ARHGEF6: variants seen among roughly 807,000 people sequenced by gnomAD.
The protein encoded by ARHGEF6 is Rac/Cdc42 guanine nucleotide exchange factor 6.
Under a neutral mutation model 70.3 loss-of-function variants are expected in ARHGEF6, and 9 were observed. The ratio of observed to expected loss-of-function variants is 0.13; its 90% CI spans 0.08 to 0.22. The LOEUF (loss-of-function observed/expected upper bound fraction) is 0.22, where lower values mean the gene tolerates loss of function less well. Ranked by LOEUF, ARHGEF6 falls within the 10% of genes least tolerant of loss-of-function variation. The probability of loss-of-function intolerance (pLI) is 1.00; values close to 1 mark genes in which losing one functional copy is unlikely to be tolerated. For missense variants in ARHGEF6, 470 were observed against 563.0 expected (o/e 0.83, Z 1.67); for synonymous variants, 201 against 207.8 (o/e 0.97, Z 0.28).
Position 136,690,758 on chromosome X carries a change from G to C in ARHGEF6, c.1047-10C>G. On this transcript the variant is annotated splice_polypyrimidine_tract_variant and intron_variant, in intron 9 of 21. Coordinates refer to ENST00000250617, the MANE Select transcript of ARHGEF6 (RefSeq NM_004840.3). ...TTGTTCCAACTCATCACTAGCAAAA[G>C]AACAAATATAATTTTGTTACTGTTG... The C allele has an allele frequency of 8.3e-7, 1 of 1,206,815 alleles. No individual in the cohort carries two copies. The highest frequency in any genetic ancestry group is 3.0e-5 in the East Asian group (1 of 33,833).
At chrX:136,668,354 C>T (rs1343907861) in intron 21 of ARHGEF6, among the ~76,000 whole-genome samples, 185 bp from the exon 22 acceptor site, 2 of 109,931 alleles carry the variant, frequency 1.8e-5, no homozygotes, top group Non-Finnish European at 3.8e-5. Context: ...CTTTTGGATT[C>T]TTCTTCCCTG....
intron 5 of ARHGEF6, chrX:136,737,305 T>G (rs1454225304): frequency 9.0e-6 from 1 of 110,619 alleles, no homozygotes; most frequent in Non-Finnish European, 1.9e-5. Flanking sequence ...CATTCTTTAC[T>G]AAAAATACAA....
chrX:136,763,817 T>C (rs2148678908), intron 2 of ARHGEF6, among the ~76,000 whole-genome samples: 1 of 111,497 alleles, frequency 9.0e-6, no homozygotes, highest in African/African-American at 3.3e-5. Context: ...AGAGCGAGAC[T>C]CTGTCTCAAA....
intron 7 of ARHGEF6, among the ~76,000 whole-genome samples, chrX:136,710,177 G>A (rs1203747932): frequency 4.6e-5 from 5 of 107,539 alleles, no homozygotes; most frequent in Non-Finnish European, 9.6e-5. Flanking sequence ...GGTGGCACAT[G>A]CCTGTAGTCT....
intron 11 of ARHGEF6, among the ~76,000 whole-genome samples, chrX:136,686,619 T>TACACAC (rs1259792982): frequency 1.4e-5 from 1 of 73,070 alleles, no homozygotes; most frequent in Non-Finnish European, 2.4e-5. Context: ...TATATATATA[T>TACACAC]ATACACATAT....
At chrX:136,751,762 C>T (rs1230940926) in intron 2 of ARHGEF6, among the ~76,000 whole-genome samples, 1 of 111,720 alleles carries the variant, frequency 9.0e-6, no homozygotes, top group Non-Finnish European at 1.9e-5. Context: ...ATGTCTTGAT[C>T]TTGGATTTCT....
Position 136,695,274 on chromosome X carries a change from AAG to A in ARHGEF6, c.1047-4528_1047-4527del, listed in dbSNP as rs3067286. ...CCCTTTTACCTGTAAATAAACCAGT[AAG>A]ATAAAAATTTAGTTCTATGAGGACT... On this transcript the variant is annotated intron_variant, in intron 9 of 21. Transcript: ENST00000250617. Among the ~76,000 whole-genome samples the A allele has an allele frequency of 4.6e-3, 517 of 112,315 alleles. 2 individuals are homozygous for A. Among genetic ancestry groups the A allele is most frequent in the Middle Eastern group, 0.014 (3 of 218 alleles).
chrX:136,668,533 C>CTTATTATTATTATTA (rs58182405), intron 21 of ARHGEF6, among the ~76,000 whole-genome samples: 15 of 98,461 alleles, frequency 1.5e-4, no homozygotes, highest in African/African-American at 5.7e-4. Flanking sequence ...TCTTCTTCTT[C>CTTATTATTATTATTA]TTATTATTAT....
chrX:136,723,879 CA>C (rs1362257896), intron 6 of ARHGEF6, among the ~76,000 whole-genome samples: 1 of 110,737 alleles, frequency 9.0e-6, no homozygotes, highest in Admixed American at 9.6e-5. Context: ...GAGCCCAAAT[CA>C]AATCGCGCCA....
chrX:136,728,577 A>G (rs2076895174), intron 6 of ARHGEF6, among the ~76,000 whole-genome samples: 1 of 106,707 alleles, frequency 9.4e-6, no homozygotes, highest in Admixed American at 9.8e-5. Context: ...AAGTTGGCAC[A>G]TAAAATTAAT....
chrX:136,773,543 C>T (rs1207668567), intron 2 of ARHGEF6, among the ~76,000 whole-genome samples: 1 of 111,899 alleles, frequency 8.9e-6, no homozygotes, highest in African/African-American at 3.3e-5. Flanking sequence ...CTCAATATGG[C>T]TCCTATATAT....
At chrX:136,687,844 G>C in intron 11 of ARHGEF6, 88 bp downstream of exon 11, 1 of 792,263 alleles carries the variant, frequency 1.3e-6, no homozygotes, top group Non-Finnish European at 1.9e-6. Flanking sequence ...AAAGACCTTT[G>C]TATAGGGAAA....
In ARHGEF6 at chrX:136,747,511, C is replaced by G. The variant is rs1228689554; in HGVS notation, c.331G>C (p.Glu111Gln). 2 of 1,204,064 alleles carry G rather than the reference C, an allele frequency of 1.7e-6. No homozygotes were observed. Among genetic ancestry groups the G allele is most frequent in the Non-Finnish European group, 2.2e-6 (2 of 891,888 alleles). The part of the protein sequence containing the change: ...STLLAVNKAT[E>Q]DQLSERPCGR... ...ATAAATCACAAGCCCGGCTTACCTT[C>G]TGTTGCTTTGTTGACAGCTAAAAGA... Residue 111 changes from glutamate to glutamine, a missense_variant, in exon 3 of 22, where the codon GAA becomes CAA. Physicochemically the swap from Glu to Gln is conservative, Grantham distance 29. This residue lies in a region of ARHGEF6 where 379 missense variants were observed against 449.3 expected (regional missense o/e 0.84). Coordinates refer to ENST00000250617, the MANE Select transcript of ARHGEF6 (RefSeq NM_004840.3).
chrX:136,675,105 T>G lies in ARHGEF6; in HGVS notation c.1946-9A>C. Reference sequence around the variant, plus strand: ...TTCCAGAGCAGCTGTACCTGTGAAATTTAATTCATCATGACTTTTCATAGA... The same window carrying G: ...TTCCAGAGCAGCTGTACCTGTGAAAGTTAATTCATCATGACTTTTCATAGA... On this transcript the variant is annotated splice_polypyrimidine_tract_variant and intron_variant, in intron 18 of 21. Coordinates refer to ENST00000250617, the MANE Select transcript of ARHGEF6 (RefSeq NM_004840.3). 8.4e-7 allele frequency: 1 copy of G among 1,195,033 alleles called. No homozygotes were observed. Among genetic ancestry groups the G allele is most frequent in the Non-Finnish European group, 1.1e-6 (1 of 880,499 alleles).
chrX:136,676,098 A>G (rs1230071807), intron 18 of ARHGEF6, among the ~76,000 whole-genome samples: 3 of 112,111 alleles, frequency 2.7e-5, no homozygotes, highest in Non-Finnish European at 5.6e-5. Flanking sequence ...TTGTGTCCCA[A>G]AGTACCTTGT....
At chrX:136,711,466 A>G (rs781387207) in intron 7 of ARHGEF6, among the ~76,000 whole-genome samples, 1 of 112,240 alleles carries the variant, frequency 8.9e-6, no homozygotes, top group African/African-American at 3.2e-5. Flanking sequence ...TACTAGACCC[A>G]ATGATTTACA....
chrX:136,745,949 C>G (rs181586219), intron 3 of ARHGEF6, among the ~76,000 whole-genome samples: 115 of 111,819 alleles, frequency 1.0e-3, no homozygotes, highest in African/African-American at 3.4e-3. Context: ...GAAATTCGAC[C>G]AGGCCAGAGC....
intron 21 of ARHGEF6, among the ~76,000 whole-genome samples, chrX:136,668,457 G>A (rs955067859): frequency 1.8e-5 from 2 of 110,254 alleles, no homozygotes; most frequent in Admixed American, 9.6e-5. Context: ...AATATCTCTG[G>A]TACTGACCTT....
chrX:136,734,262 G>T (rs1484506443), intron 5 of ARHGEF6, among the ~76,000 whole-genome samples: 1 of 111,678 alleles, frequency 9.0e-6, no homozygotes, highest in Non-Finnish European at 1.9e-5. Flanking sequence ...GGATCCACTG[G>T]TGGTTCATAA....
Sources: allele counts gnomAD v4.1 joint callset (sites outside exome capture counted in the v4.1 genomes callset), GRCh38; gene constraint gnomAD v4.1.1; regional missense constraint gnomAD v4.1.1; transcripts MANE v1.5; gene names NCBI Gene and HGNC (gene_info 2026-07-23, HGNC 2026-07-21).